Variants in PCDH7 observed in about 807,000 individuals in gnomAD.
PCDH7 encodes protocadherin 7.
A neutral mutation model predicts 58.9 loss-of-function variants in PCDH7; 17 were observed. The ratio of observed to expected loss-of-function variants is 0.29; its 90% CI spans 0.20 to 0.43. PCDH7 has a LOEUF of 0.43. PCDH7 is among the 20% of genes least tolerant of loss of function. The pLI is 1.00. For missense variants in PCDH7, 1,274 were observed against 1,441.0 expected (o/e 0.88, Z 1.88); for synonymous variants, 664 against 616.4 (o/e 1.08, Z -1.14).
At chr4:30,801,702 G>C (rs946275452) in intron 1 of PCDH7, among the ~76,000 whole-genome samples, 5 of 152,154 alleles carry the variant, frequency 3.3e-5, no homozygotes, top group Non-Finnish European at 7.3e-5. Flanking sequence ...TCATGAAGTG[G>C]AACTCACAAG....
chr4:30,956,572 AT>A (rs1747884778), intron 3 of PCDH7, among the ~76,000 whole-genome samples: 1 of 152,256 alleles, frequency 6.6e-6, no homozygotes, highest in African/African-American at 2.4e-5. Flanking sequence ...AAAAGTTAAA[AT>A]AAAGATCATT....
chr4:31,056,439 AAGGAAAGAAAGAAAGAAAG>A lies in PCDH7; in HGVS notation c.*8-86032_*8-86014del, dbSNP rs1335644086. 4.8e-3 allele frequency among the ~76,000 whole-genome samples: 368 copies of A among 77,118 alleles called. 11 individuals carry two copies. The highest frequency in any genetic ancestry group is 0.039 in the South Asian group (64 of 1,638). 50.6% of individuals were successfully genotyped at this position (77,118 alleles called of 152,430 possible). On this transcript the variant is annotated intron_variant, in intron 3 of 3. Transcript: ENST00000509759. Reference sequence around the variant, plus strand: ...AGGAAAGAAGGAAAGAAAAAGAAAGAAGGAAAGAAAGAAAGAAAGAAGAAAGAAAGAAAGAAAGAAAGAA... The same window carrying A: ...AGGAAAGAAGGAAAGAAAAAGAAAGAAAGAAAGAAAGAAAGAAAGAAAGAA...
At chr4:31,120,311 C>G (rs900943045) in intron 3 of PCDH7, among the ~76,000 whole-genome samples, 2 of 151,210 alleles carry the variant, frequency 1.3e-5, no homozygotes, top group African/African-American at 4.9e-5. Context: ...ATTTTTTCCT[C>G]CCTTCCTTCT....
chr4:30,754,749 A>G (rs1043375175), intron 1 of PCDH7, among the ~76,000 whole-genome samples: 1 of 92,848 alleles, frequency 1.1e-5, no homozygotes, highest in Non-Finnish European at 2.2e-5. Flanking sequence ...TCAATCCTTT[A>G]GAAACTTATA....
intron 3 of PCDH7, among the ~76,000 whole-genome samples, chr4:31,037,525 A>T (rs527398374): frequency 6.6e-6 from 1 of 152,292 alleles, no homozygotes; most frequent in South Asian, 2.1e-4. Flanking sequence ...ATAATTGATG[A>T]GTGCCTTGAG....
In PCDH7 at chr4:30,722,809, G is replaced by A. The variant is rs1184957690; in HGVS notation, c.1387G>A (p.Val463Met). 1 of 1,613,708 alleles carries A rather than the reference G, an allele frequency of 6.2e-7. No individual in the cohort carries two copies. Among genetic ancestry groups the A allele is most frequent in the Non-Finnish European group, 8.5e-7 (1 of 1,180,048 alleles). ...GAACGGGGTGGTCACCTGCACCGTG[G>A]TGGGCGACGTGCCCTTCCAGCTCAA... Residue 463 changes from valine (V) to methionine (M), a missense_variant, in exon 1 of 2, where the codon GTG becomes ATG. Val to Met is a conservative substitution (Grantham distance 21, BLOSUM62 1). Around this residue, in one of 3 missense-constraint regions of PCDH7, gnomAD observed 731 missense variants for 881.9 expected, o/e 0.83. Transcript: ENST00000361762. This position sits in a 1 kb window ranked among gnomAD's most constrained non-coding sequence, Gnocchi z 7.6.
At chr4:30,772,299 G>C (rs979947053) in intron 1 of PCDH7, among the ~76,000 whole-genome samples, 6 of 152,238 alleles carry the variant, frequency 3.9e-5, no homozygotes, top group Non-Finnish European at 1.5e-5. Flanking sequence ...TGAGAAATCA[G>C]CGGAAGACAT....
intron 3 of PCDH7, among the ~76,000 whole-genome samples, chr4:31,063,057 T>A (rs1757812197): frequency 6.6e-6 from 1 of 151,814 alleles, no homozygotes; most frequent in Non-Finnish European, 1.5e-5. Context: ...TGAGAAGACT[T>A]TGAGAGAATG....
At chr4:30,891,435 G>A (rs1477719254) in intron 1 of PCDH7, among the ~76,000 whole-genome samples, 1 of 152,018 alleles carries the variant, frequency 6.6e-6, no homozygotes, top group Admixed American at 6.6e-5. Flanking sequence ...TGAAGCCAGA[G>A]TGTCATTTAC....
intron 2 of PCDH7, among the ~76,000 whole-genome samples, chr4:30,942,811 A>G (rs1746200149): frequency 6.6e-6 from 1 of 151,984 alleles, no homozygotes; most frequent in South Asian, 2.1e-4. Flanking sequence ...GTTGAAATCT[A>G]ATTTCAAAGA....
intron 1 of PCDH7, among the ~76,000 whole-genome samples, chr4:30,857,459 A>G (rs1476356703): frequency 6.6e-6 from 1 of 152,150 alleles, no homozygotes; most frequent in Non-Finnish European, 1.5e-5. Flanking sequence ...GTTTTCCATT[A>G]TAATTTCAAT....
intron 3 of PCDH7, among the ~76,000 whole-genome samples, chr4:30,976,273 T>A (rs2109479624): frequency 6.6e-6 from 1 of 152,196 alleles, no homozygotes; most frequent in Admixed American, 6.5e-5. Context: ...GTATTTTTAG[T>A]AGAGATGGGG....
chr4:30,889,111 G>A (rs1342537711), intron 1 of PCDH7, among the ~76,000 whole-genome samples: 1 of 138,494 alleles, frequency 7.2e-6, no homozygotes, highest in Non-Finnish European at 1.5e-5. Flanking sequence ...AGCCTGGGAG[G>A]CAGAGGTTGT....
chr4:31,112,527 C>T (rs1029476935), intron 3 of PCDH7, among the ~76,000 whole-genome samples: 18 of 152,084 alleles, frequency 1.2e-4, no homozygotes, highest in African/African-American at 4.3e-4. Flanking sequence ...GAAATAAGAA[C>T]CTATCAATAC....
chr4:31,019,314 GATC>G lies in PCDH7; in HGVS notation c.*7+69102_*7+69104del, dbSNP rs1753844677. ...GAGCTTTTCAAAAATTAAAAAGCAT[GATC>G]ATATTTCATTTATTTAGTAAAAATG... On this transcript the variant is annotated intron_variant, in intron 3 of 3. Transcript: ENST00000509759. Among the ~76,000 whole-genome samples, 4 of 152,108 alleles carry G rather than the reference GATC, an allele frequency of 2.6e-5. No homozygotes were observed. The South Asian group carries it at 8.3e-4, about 32-fold the overall frequency.
At chr4:30,781,558 C>T (rs1384038344) in intron 1 of PCDH7, among the ~76,000 whole-genome samples, 1 of 143,600 alleles carries the variant, frequency 7.0e-6, no homozygotes, top group East Asian at 2.0e-4. Flanking sequence ...TTTTTTGAGA[C>T]GAAGTTTCCC....
chr4:30,724,982 T>A (rs1714404697), intron 1 of PCDH7: 3 of 1,022,612 alleles, frequency 2.9e-6, no homozygotes, highest in Non-Finnish European at 3.5e-6. Flanking sequence ...GATAATTACA[T>A]CCAGAGAAAA....
At chr4:30,785,924 A>G (rs913965027) in intron 1 of PCDH7, among the ~76,000 whole-genome samples, 1 of 152,038 alleles carries the variant, frequency 6.6e-6, no homozygotes, top group African/African-American at 2.4e-5. Flanking sequence ...TTGTACCACC[A>G]TCGAATTGGA....
chr4:31,094,304 G>A (rs1224803822), intron 3 of PCDH7, among the ~76,000 whole-genome samples: 3 of 152,022 alleles, frequency 2.0e-5, no homozygotes, highest in Non-Finnish European at 2.9e-5. Context: ...CATTCCAGAC[G>A]TCCTAGTAGA....
Sources: allele counts gnomAD v4.1 joint callset (sites outside exome capture counted in the v4.1 genomes callset), GRCh38; gene constraint gnomAD v4.1.1; regional missense constraint gnomAD v4.1.1; non-coding constraint Gnocchi (gnomAD v3.1); transcripts MANE v1.5; gene names NCBI Gene and HGNC (gene_info 2026-07-23, HGNC 2026-07-21).